The following HDAC8 variants were observed in gnomAD, a reference collection of about 807,000 sequenced individuals.
HDAC8 encodes histone deacetylase-like 1.
HDAC8 carries 1 observed loss-of-function variant against 32.2 expected under a neutral mutation model. The observed-to-expected ratio is 0.03, with a 90% CI of 0.01 to 0.15. The LOEUF is 0.15. Among genes scored for constraint, HDAC8 ranks in the 10% least tolerant of loss-of-function variants. The pLI is 1.00. For synonymous variants in HDAC8, 108 were observed against 113.9 expected (o/e 0.95, Z 0.33); for missense variants, 117 against 300.0 (o/e 0.39, Z 4.51).
At chrX:72,379,319 G>A (rs2045192892) in intron 9 of HDAC8, among the ~76,000 whole-genome samples, 1 of 110,656 alleles carries the variant, frequency 9.0e-6, no homozygotes, top group Non-Finnish European at 1.9e-5. Context: ...GACAGTTTAT[G>A]TTGATTGATA....
chrX:72,429,597 A>G (rs1452672310), intron 9 of HDAC8, among the ~76,000 whole-genome samples: 1 of 111,994 alleles, frequency 8.9e-6, no homozygotes, highest in Non-Finnish European at 1.9e-5. Flanking sequence ...TCTCCCAGAA[A>G]TGGGGAGGTG....
Position 72,329,749 on chromosome X carries a change from C to A in HDAC8, c.*305G>T. On this transcript the variant is annotated 3_prime_UTR_variant, in exon 11 of 11. Coordinates refer to ENST00000373573, the MANE Select transcript of HDAC8 (RefSeq NM_018486.3). ...TTAAGATGATTAAAATACTCCCCTC[C>A]CCAATTCGCTTAAAAATAATTTTCA... 1 of 1,151,325 alleles carries A rather than the reference C, an allele frequency of 8.7e-7. No individual in the cohort carries two copies. 94.9% of individuals were successfully genotyped at this position (1,151,325 alleles called of 1,213,427 possible).
intron 9 of HDAC8, among the ~76,000 whole-genome samples, chrX:72,364,118 T>A (rs2044631647): frequency 1.8e-5 from 2 of 111,402 alleles, no homozygotes; most frequent in African/African-American, 6.5e-5. Context: ...CTTTAGGACA[T>A]CAAGAGTGAC....
At chrX:72,487,004 G>A (rs1556006038) in intron 7 of HDAC8, among the ~76,000 whole-genome samples, 1 of 111,685 alleles carries the variant, frequency 9.0e-6, no homozygotes, top group African/African-American at 3.3e-5. Flanking sequence ...TGTGTGGCTT[G>A]CATTGCCAAT....
At chrX:72,401,819 T>C (rs956260990) in intron 9 of HDAC8, among the ~76,000 whole-genome samples, 6 of 112,501 alleles carry the variant, frequency 5.3e-5, no homozygotes, top group Non-Finnish European at 9.4e-5. Flanking sequence ...TTTTGGTTAC[T>C]GTAGCTTTGT....
intron 4 of HDAC8, among the ~76,000 whole-genome samples, chrX:72,541,285 G>A (rs1556042790): frequency 9.0e-6 from 1 of 111,541 alleles, no homozygotes; most frequent in Non-Finnish European, 1.9e-5. Flanking sequence ...ATTCCAGGCA[G>A]TGGGAATAGC....
intron 4 of HDAC8, among the ~76,000 whole-genome samples, chrX:72,566,071 CAGG>C (rs1211402529): frequency 9.1e-6 from 1 of 110,453 alleles, no homozygotes; most frequent in Non-Finnish European, 1.9e-5. Context: ...CCCTTGAACC[CAGG>C]AGTTCGAGAC....
intron 4 of HDAC8, among the ~76,000 whole-genome samples, chrX:72,543,408 C>T (rs782350418): frequency 3.6e-5 from 4 of 111,160 alleles, no homozygotes; most frequent in East Asian, 2.8e-4. Context: ...AGCAGGTGGC[C>T]GTGGGACTTG....
intron 10 of HDAC8, among the ~76,000 whole-genome samples, chrX:72,333,095 A>AT (rs1202585527): frequency 1.9e-5 from 2 of 106,735 alleles, no homozygotes; most frequent in Non-Finnish European, 3.9e-5. Context: ...TTCCTTATCA[A>AT]TTTTTTTTCT....
At chrX:72,380,908 A>C (rs1555959730) in intron 9 of HDAC8, among the ~76,000 whole-genome samples, 1 of 112,276 alleles carries the variant, frequency 8.9e-6, no homozygotes, top group Non-Finnish European at 1.9e-5. Context: ...CTTCTTACTA[A>C]GTCTTTAAAA....
chrX:72,356,076 C>A (rs1010255245), intron 9 of HDAC8, among the ~76,000 whole-genome samples: 1 of 112,270 alleles, frequency 8.9e-6, no homozygotes, highest in African/African-American at 3.2e-5. Context: ...CCAACCCATG[C>A]AGTAGGTACT....
intron 4 of HDAC8, among the ~76,000 whole-genome samples, chrX:72,500,974 C>A (rs2049194466): frequency 9.0e-6 from 1 of 111,673 alleles, no homozygotes; most frequent in Admixed American, 9.5e-5. Context: ...TACATACCAA[C>A]AATAGTCAAC....
chrX:72,471,538 A>G (rs1166179925), intron 7 of HDAC8, among the ~76,000 whole-genome samples: 1 of 112,379 alleles, frequency 8.9e-6, no homozygotes. Flanking sequence ...AATTAATTAT[A>G]ACCATCTTAG....
chrX:72,481,938 C>T (rs2048522857), intron 7 of HDAC8, among the ~76,000 whole-genome samples: 1 of 110,930 alleles, frequency 9.0e-6, no homozygotes, highest in East Asian at 2.8e-4. Flanking sequence ...TGAATGATAA[C>T]CTGGAGTCCC....
At chrX:72,465,129 G>A (rs945571953) in intron 7 of HDAC8, among the ~76,000 whole-genome samples, 7 of 111,575 alleles carry the variant, frequency 6.3e-5, no homozygotes, top group Admixed American at 9.5e-5. Flanking sequence ...GGTTATTTAA[G>A]ATGAGGACCA....
chrX:72,478,481 G>A (rs899543771), intron 7 of HDAC8, among the ~76,000 whole-genome samples: 4 of 110,795 alleles, frequency 3.6e-5, no homozygotes, highest in Non-Finnish European at 5.7e-5. Context: ...CCCTCAACAC[G>A]GAGCTGGCGC....
chrX:72,428,178 C>T (rs2046705282), intron 9 of HDAC8, among the ~76,000 whole-genome samples: 1 of 112,232 alleles, frequency 8.9e-6, no homozygotes, highest in Non-Finnish European at 1.9e-5. Context: ...ACTGCAACCT[C>T]CGCCTCCCAG....
At position 72,388,595 on chromosome X, in the gene HDAC8, T is replaced by TACACACACACACAC. The variant is rs59374504; in HGVS notation, c.1006-36771_1006-36758dup. ...TTGTCTATACAAATGCCACAGTGAT[T>TACACACACACACAC]ACACACACACACACACACACACACA... On this transcript the variant is annotated intron_variant, in intron 9 of 10. Transcript: ENST00000373573. Among the ~76,000 whole-genome samples the TACACACACACACAC allele has an allele frequency of 8.6e-4, 76 of 88,402 alleles. 1 individual carries two copies. Among genetic ancestry groups the TACACACACACACAC allele is most frequent in the African/African-American group, 3.2e-3 (73 of 22,772 alleles). 76.8% of individuals were successfully genotyped at this position (88,402 alleles called of 115,157 possible). A position where few individuals can be genotyped will look rare whatever the true frequency, so the allele number is the denominator to read the frequency against.
At chrX:72,512,615 A>G (rs187977946) in intron 4 of HDAC8, among the ~76,000 whole-genome samples, 151 of 110,904 alleles carry the variant, frequency 1.4e-3, no homozygotes, top group African/African-American at 4.7e-3. Context: ...TTCCTCTTTT[A>G]CAATTGAGAA....
Sources: gnomAD v4.1 joint callset for allele counts (sites outside exome capture counted in the v4.1 genomes callset) on GRCh38, gnomAD v4.1.1 for gene constraint, MANE v1.5 for transcripts, NCBI Gene and HGNC (gene_info 2026-07-23, HGNC 2026-07-21) for gene names.